The following ATP13A4 variants were observed in gnomAD, a reference collection of about 807,000 sequenced individuals.
ATP13A4 encodes probable cation-transporting ATPase 13A4.
Under a neutral mutation model 142.5 loss-of-function variants are expected in ATP13A4, and 114 were observed. That is an observed-to-expected ratio of 0.80 (90% confidence interval 0.69 to 0.93). The LOEUF (loss-of-function observed/expected upper bound fraction) is 0.93, where lower values mean the gene tolerates loss of function less well. ATP13A4 is among the 40% of genes least tolerant of loss of function. The pLI is 0.00. For synonymous variants in ATP13A4, 488 were observed against 514.8 expected, an observed-to-expected ratio of 0.95 and a Z score of 0.70; for missense variants, 1,392 against 1,454.0, an observed-to-expected ratio of 0.96 and a Z score of 0.69.
chr3:193,474,792 A>G (rs1265903890), intron 8 of ATP13A4, among the ~76,000 whole-genome samples: 1 of 151,990 alleles, frequency 6.6e-6, no homozygotes, highest in African/African-American at 2.4e-5. Context: ...AGAGAAAAGG[A>G]GTACATGAAA....
Position 193,501,925 on chromosome 3 carries a change from C to A in ATP13A4, c.381+568G>T, listed in dbSNP as rs76713632. 5.2e-3 allele frequency among the ~76,000 whole-genome samples: 787 copies of A among 152,222 alleles called. 11 individuals are homozygous for A. The highest frequency in any genetic ancestry group is 0.018 in the African/African-American group (747 of 41,554). ...GTGATTACTTTTACTATAAGATTAA[C>A]CCTGTTACATAGATTGTAATATGGG... is the stretch of plus-strand genomic sequence containing the variant. On this transcript the variant is annotated intron_variant, in intron 3 of 29. Coordinates refer to ENST00000342695, the MANE Select transcript of ATP13A4 (RefSeq NM_032279.4).
At chr3:193,521,034 A>C (rs1158781953) in intron 1 of ATP13A4, among the ~76,000 whole-genome samples, 1 of 152,186 alleles carries the variant, frequency 6.6e-6, no homozygotes, top group Admixed American at 6.5e-5. Context: ...TGTCAGGCTC[A>C]AGAACCAAGG....
chr3:193,449,213 G>A (rs76491615), intron 17 of ATP13A4, among the ~76,000 whole-genome samples: 3,302 of 152,264 alleles, frequency 0.022, 57 homozygotes, highest in Non-Finnish European at 0.034. Flanking sequence ...TCCACCCCAA[G>A]AATATTTTCA....
intron 29 of ATP13A4, 92 bp downstream of exon 29, chr3:193,407,221 C>T: frequency 8.6e-7 from 1 of 1,162,038 alleles, no homozygotes; most frequent in East Asian, 2.5e-5. Flanking sequence ...TCCATGTCAG[C>T]TAAAGTTGTT....
At chr3:193,409,342 T>C (rs1220190472) in intron 28 of ATP13A4, among the ~76,000 whole-genome samples, 2 of 146,224 alleles carry the variant, frequency 1.4e-5, no homozygotes, top group Non-Finnish European at 3.0e-5. Flanking sequence ...AAAGAACACA[T>C]ATTTTTATGT....
chr3:193,569,237 T>C (rs902639093), intron 2 of ATP13A4, among the ~76,000 whole-genome samples: 15 of 152,180 alleles, frequency 9.9e-5, no homozygotes, highest in African/African-American at 3.6e-4. Flanking sequence ...TCTAGTCTAA[T>C]AGTGAGAAAA....
chr3:193,452,525 C>T (rs1469350933), intron 17 of ATP13A4, among the ~76,000 whole-genome samples: 5 of 150,630 alleles, frequency 3.3e-5, no homozygotes, highest in Non-Finnish European at 7.4e-5. Context: ...CACAGCAGTC[C>T]TTCTAAGCAG....
At chr3:193,403,670 T>C (rs1714356459) in intron 29 of ATP13A4, 1 of 796,610 alleles carries the variant, frequency 1.3e-6, no homozygotes, top group African/African-American at 1.9e-5. Context: ...TGCCATTTTA[T>C]TTCATGAGTT....
Position 193,428,297 on chromosome 3 carries a change from G to A in ATP13A4, c.2842+5548C>T, listed in dbSNP as rs62285708. 1.1e-3 allele frequency among the ~76,000 whole-genome samples: 170 copies of A among 151,240 alleles called. 1 individual carries two copies. Among genetic ancestry groups the A allele is most frequent in the African/African-American group, 3.8e-3 (153 of 40,602 alleles). On this transcript the variant is annotated intron_variant, in intron 25 of 29. Coordinates refer to ENST00000342695, the MANE Select transcript of ATP13A4 (RefSeq NM_032279.4). Reference sequence around the variant, plus strand: ...ATTAGAAAGTCAGGAAACAACAGGTGTTGGAGAGGATGTGGAGAAACAGGA... The same window carrying A: ...ATTAGAAAGTCAGGAAACAACAGGTATTGGAGAGGATGTGGAGAAACAGGA...
At position 193,448,281 on chromosome 3, in the gene ATP13A4, T is replaced by A; in HGVS notation, c.2077A>T (p.Asn693Tyr). 6.2e-7 allele frequency: 1 copy of A among 1,614,102 alleles called. No individual in the cohort carries two copies. The highest frequency in any genetic ancestry group is 2.2e-5 in the East Asian group (1 of 44,878). Residue 693 changes from asparagine to tyrosine, a missense_variant, in exon 18 of 30, where the codon AAT (asparagine) becomes TAT (tyrosine). By Grantham distance (143) the Asn-to-Tyr change is moderately radical (BLOSUM62 -2). Coordinates refer to ENST00000342695, the MANE Select transcript of ATP13A4 (RefSeq NM_032279.4). ...LIFLGLLILE[N>Y]RLKEETKPVL... is the part of the protein sequence containing the mutation. ...GGTTTTGTCTCTTCCTTCAATCGAT[T>A]CTCCAAGATCAGCAGCCCCAGAAAT...
Position 193,414,724 on chromosome 3 carries a change from G to C in ATP13A4, c.2869C>G (p.Leu957Val), listed in dbSNP as rs773043236. Residue 957 changes from leucine to valine, a missense_variant, in exon 26 of 30, where the codon CTG becomes GTG. Coordinates refer to ENST00000342695, the MANE Select transcript of ATP13A4 (RefSeq NM_032279.4). ...CGTCCTGCAGGTCTGAAAGGCACCA[G>C]CTTAGGGTAGGCACCATTCAGATTC... ...TMNLNGAYPK[L>V]VPFRPAGRLI... The C allele has an allele frequency of 2.0e-5, 32 of 1,614,142 alleles. No individual in the cohort carries two copies. Among genetic ancestry groups the C allele is most frequent in the Non-Finnish European group, 2.5e-5 (30 of 1,180,006 alleles).
At chr3:193,506,096 C>G (rs371822323) in intron 2 of ATP13A4, among the ~76,000 whole-genome samples, 1 of 152,162 alleles carries the variant, frequency 6.6e-6, no homozygotes, top group African/African-American at 2.4e-5. Context: ...TAAGTAGGAA[C>G]TTATTCTCCC....
rs564763605 is a variant in ATP13A4, at chr3:193,478,791, C to T, written c.808+5145G>A. Among the ~76,000 whole-genome samples, 19 of 151,766 alleles carry T rather than the reference C, an allele frequency of 1.3e-4. No individual in the cohort carries two copies. In the South Asian group the frequency reaches 4.0e-3, roughly 32 times the overall value. On this transcript the variant is annotated intron_variant, in intron 8 of 29. Transcript: ENST00000342695. ...TTTGAAGCCAGTATCACCCTAATAC[C>T]AAAACCAGGGAACGACATAACAAAA...
chr3:193,439,801 C>T (rs192244111), intron 21 of ATP13A4, among the ~76,000 whole-genome samples: 8 of 152,150 alleles, frequency 5.3e-5, no homozygotes, highest in Middle Eastern at 3.2e-3. Flanking sequence ...GGAGGGAACT[C>T]GTTGACTCTC....
intron 2 of ATP13A4, among the ~76,000 whole-genome samples, chr3:193,568,108 T>C (rs7625424): frequency 0.41 from 62,705 of 151,726 alleles, 14,322 homozygotes; most frequent in African/African-American, 0.62. Flanking sequence ...TACAGGCACA[T>C]GCCACCACAC....
intron 2 of ATP13A4, among the ~76,000 whole-genome samples, chr3:193,573,148 T>G (rs1724306570): frequency 6.7e-6 from 1 of 150,180 alleles, no homozygotes; most frequent in Admixed American, 6.7e-5. Context: ...ATGTTCATGA[T>G]ATAATGTTTA....
At chr3:193,500,385 C>T (rs1720476169) in intron 3 of ATP13A4, among the ~76,000 whole-genome samples, 1 of 152,136 alleles carries the variant, frequency 6.6e-6, no homozygotes, top group Non-Finnish European at 1.5e-5. Flanking sequence ...CCAAACCTGA[C>T]ATAGTTCTTT....
chr3:193,421,936 A>C (rs1328951758), intron 25 of ATP13A4, among the ~76,000 whole-genome samples: 1 of 149,920 alleles, frequency 6.7e-6, no homozygotes, highest in Non-Finnish European at 1.5e-5. Flanking sequence ...TAAGTCCTTA[A>C]CTATCAATAA....
intron 8 of ATP13A4, among the ~76,000 whole-genome samples, chr3:193,471,581 CA>C (rs775659138): frequency 1.9e-3 from 255 of 135,372 alleles, no homozygotes; most frequent in South Asian, 5.2e-3. Context: ...GATCCTGCCT[CA>C]AAAAAAAAAA....
Sources: gnomAD v4.1 joint callset for allele counts (sites outside exome capture counted in the v4.1 genomes callset) on GRCh38, gnomAD v4.1.1 for gene constraint, MANE v1.5 for transcripts, NCBI Gene and HGNC (gene_info 2026-07-23, HGNC 2026-07-21) for gene names.